The following AUTS2 variants were observed in gnomAD, a reference collection of about 807,000 sequenced individuals.
The protein encoded by AUTS2 is activator of transcription and developmental regulator AUTS2, also known as autism susceptibility gene 2 protein.
Under a neutral mutation model 112.4 loss-of-function variants are expected in AUTS2, and 17 were observed. The ratio of observed to expected loss-of-function variants is 0.15; its 90% CI spans 0.10 to 0.23. The LOEUF (loss-of-function observed/expected upper bound fraction) is 0.23. AUTS2 is among the 10% of genes least tolerant of loss of function. The pLI is 1.00. For missense variants in AUTS2, 1,510 were observed against 1,701.6 expected (o/e 0.89, Z 1.98); for synonymous variants, 751 against 702.7 (o/e 1.07, Z -1.09).
At chr7:70,492,201 T>G (rs1798277243) in intron 5 of AUTS2, among the ~76,000 whole-genome samples, 1 of 152,114 alleles carries the variant, frequency 6.6e-6, no homozygotes, top group Admixed American at 6.5e-5. Context: ...AACCCTAAGT[T>G]GAGACCTGAG....
At chr7:69,639,762 T>C (rs1246014109) in intron 1 of AUTS2, among the ~76,000 whole-genome samples, 1 of 152,142 alleles carries the variant, frequency 6.6e-6, no homozygotes, top group African/African-American at 2.4e-5. Context: ...GTTGTGGCAG[T>C]GCTTAGAGAA....
intron 2 of AUTS2, among the ~76,000 whole-genome samples, chr7:69,917,276 T>TC (rs1366673593): frequency 6.8e-6 from 1 of 147,648 alleles, no homozygotes; most frequent in African/African-American, 2.5e-5. Context: ...TTCAGAGCAT[T>TC]CCCTTTTTTT....
chr7:69,856,779 C>A (rs977377830), intron 1 of AUTS2, among the ~76,000 whole-genome samples: 46 of 152,178 alleles, frequency 3.0e-4, no homozygotes, highest in African/African-American at 1.1e-3. Flanking sequence ...CTTGTTGTAC[C>A]CTTGTTTCTA....
chr7:70,081,965 T>TGTGTGTGTGC (rs1018968486), intron 2 of AUTS2, among the ~76,000 whole-genome samples: 27 of 128,100 alleles, frequency 2.1e-4, no homozygotes, highest in African/African-American at 7.4e-4. Flanking sequence ...TGTGTGTGTG[T>TGTGTGTGTGC]GCGCGCGCCT....
chr7:69,803,522 C>T (rs1228284844), intron 1 of AUTS2, among the ~76,000 whole-genome samples: 1 of 13,138 alleles, frequency 7.6e-5, no homozygotes, highest in Non-Finnish European at 1.4e-4. Flanking sequence ...ATGTTACCAT[C>T]TTTGGAAAAA....
intron 1 of AUTS2, among the ~76,000 whole-genome samples, chr7:69,631,461 G>A (rs1198513106): frequency 2.6e-5 from 4 of 152,166 alleles, no homozygotes; most frequent in Non-Finnish European, 4.4e-5. Flanking sequence ...TAGTTATTTC[G>A]TGAACTGCAT....
chr7:70,468,792 T>A (rs1797264973), intron 5 of AUTS2, among the ~76,000 whole-genome samples: 1 of 151,890 alleles, frequency 6.6e-6, no homozygotes, highest in African/African-American at 2.4e-5. Context: ...TTTTTTTTTT[T>A]AACAAGCTTA....
intron 9 of AUTS2, among the ~76,000 whole-genome samples, chr7:70,767,610 GAAGACAGCTGCATGGC>G (rs1790022353): frequency 6.6e-6 from 1 of 152,154 alleles, no homozygotes. Flanking sequence ...ATACATTTCA[GAAGACAGCTGCATGGC>G]AAGACAGTTT....
chr7:70,090,713 C>T (rs1176169882), intron 2 of AUTS2, among the ~76,000 whole-genome samples: 1 of 149,292 alleles, frequency 6.7e-6, no homozygotes, highest in Admixed American at 6.7e-5. Context: ...GGCGGAGTCT[C>T]GGTCACCCAG....
chr7:70,384,065 G>A (rs1793499615), intron 4 of AUTS2, among the ~76,000 whole-genome samples: 1 of 152,210 alleles, frequency 6.6e-6, no homozygotes, highest in African/African-American at 2.4e-5. Flanking sequence ...CCATGAGATT[G>A]TTTGCTTGTC....
At chr7:70,226,874 T>C (rs972175296) in intron 4 of AUTS2, among the ~76,000 whole-genome samples, 9 of 152,160 alleles carry the variant, frequency 5.9e-5, no homozygotes, top group Non-Finnish European at 1.3e-4. Flanking sequence ...AGATCCATTG[T>C]GTTGAAATGA....
intron 2 of AUTS2, among the ~76,000 whole-genome samples, chr7:69,999,985 G>A (rs1414931190): frequency 1.3e-5 from 2 of 152,144 alleles, no homozygotes; most frequent in African/African-American, 2.4e-5. Flanking sequence ...TTTGAGGTGT[G>A]TGCACATGTG....
chr7:70,451,016 G>C (rs747187093), intron 5 of AUTS2, among the ~76,000 whole-genome samples: 2 of 152,104 alleles, frequency 1.3e-5, no homozygotes, highest in Admixed American at 6.6e-5. Flanking sequence ...GGTCAGAAGA[G>C]AGTACATATT....
intron 4 of AUTS2, chr7:70,292,269 C>T (rs1788743154): frequency 6.6e-6 from 1 of 152,218 alleles, no homozygotes; most frequent in Non-Finnish European, 1.5e-5. Flanking sequence ...CACGTGGTTA[C>T]CCACACAGGC....
chr7:70,762,816 T>A, intron 6 of AUTS2, 54 bp from the exon 7 acceptor site: 1 of 1,309,952 alleles, frequency 7.6e-7, no homozygotes. Context: ...TCCCTCCTTA[T>A]GCCACACTCG....
At chr7:70,493,271 C>T (rs1798320596) in intron 5 of AUTS2, among the ~76,000 whole-genome samples, 1 of 152,178 alleles carries the variant, frequency 6.6e-6, no homozygotes, top group Non-Finnish European at 1.5e-5. Context: ...TGGGGGAATA[C>T]ATGGTTGTCT....
At chr7:70,208,316 A>G (rs1810681838) in intron 4 of AUTS2, among the ~76,000 whole-genome samples, 1 of 152,212 alleles carries the variant, frequency 6.6e-6, no homozygotes, top group African/African-American at 2.4e-5. Flanking sequence ...CAAGTTAGGA[A>G]ATGCCTTTGA....
intron 1 of AUTS2, among the ~76,000 whole-genome samples, chr7:69,839,250 T>G (rs1397948419): frequency 1.3e-5 from 2 of 152,096 alleles, no homozygotes; most frequent in Non-Finnish European, 2.9e-5. Flanking sequence ...TTTACAGTGC[T>G]CCAGGGTCAT....
At position 70,764,819 on chromosome 7, in the gene AUTS2, GCCTCCCCGTTCCCCCTCTC is replaced by G; in HGVS notation, c.1286_1304del (p.Ser429CysfsTer38). On this transcript the variant is annotated frameshift_variant, in exon 8 of 19. Coordinates refer to ENST00000342771, the MANE Select transcript of AUTS2 (RefSeq NM_015570.4). LOFTEE classifies it high-confidence loss of function. ...ACCTCACATCTCCCACCACCCCTCT[GCCTCCCCGTTCCCCCTCTC>G]CCTGCCCAACCACAGCCCCCTGCAC... 1.1e-6 allele frequency: 1 copy of G among 873,810 alleles called. No homozygotes were observed. The highest frequency in any genetic ancestry group is 1.7e-6 in the Non-Finnish European group (1 of 591,148). 54.1% of individuals were successfully genotyped at this position (873,810 alleles called of 1,614,324 possible). A position where few individuals can be genotyped will look rare whatever the true frequency, so the allele number is the denominator to read the frequency against.
Sources: allele counts gnomAD v4.1 joint callset (sites outside exome capture counted in the v4.1 genomes callset), GRCh38; gene constraint gnomAD v4.1.1; transcripts MANE v1.5; gene names NCBI Gene and HGNC (gene_info 2026-07-23, HGNC 2026-07-21).